The following DEPDC5 variants were observed in gnomAD, a reference collection of about 807,000 sequenced individuals.
DEPDC5 encodes the protein GATOR1 complex protein DEPDC5.
A neutral mutation model predicts 217.3 loss-of-function variants in DEPDC5; 73 were observed. The ratio of observed to expected loss-of-function variants is 0.34; its 90% CI spans 0.28 to 0.41. The LOEUF (loss-of-function observed/expected upper bound fraction) is 0.41, where lower values mean the gene tolerates loss of function less well. Ranked by LOEUF, DEPDC5 falls within the 10% of genes least tolerant of loss-of-function variation. The pLI is 1.00. For missense variants in DEPDC5, 1,675 were observed against 2,070.1 expected (o/e 0.81, Z 3.70); for synonymous variants, 733 against 756.7 (o/e 0.97, Z 0.51).
At chr22:31,777,493 C>T (rs2083996247) in intron 7 of DEPDC5, among the ~76,000 whole-genome samples, 2 of 151,870 alleles carry the variant, frequency 1.3e-5, no homozygotes, top group South Asian at 4.2e-4. Flanking sequence ...AACTCCTGAC[C>T]TCGTGATCTG....
intron 27 of DEPDC5, among the ~76,000 whole-genome samples, chr22:31,840,067 T>TTA (rs1159717167): frequency 6.6e-6 from 1 of 152,160 alleles, no homozygotes; most frequent in Non-Finnish European, 1.5e-5. Context: ...GGGAGAGGAT[T>TTA]TATAGCCCAG....
chr22:31,825,554 T>C (rs151134381), intron 24 of DEPDC5, among the ~76,000 whole-genome samples: 1 of 152,272 alleles, frequency 6.6e-6, no homozygotes, highest in African/African-American at 2.4e-5. Context: ...AACTCATGTC[T>C]CCCTGTTCCT....
intron 24 of DEPDC5, among the ~76,000 whole-genome samples, chr22:31,827,958 G>A (rs1017177226): frequency 6.6e-6 from 1 of 152,116 alleles, no homozygotes; most frequent in African/African-American, 2.4e-5. Context: ...CCTTCCCACA[G>A]CTCGCTCTCT....
intron 7 of DEPDC5, among the ~76,000 whole-genome samples, chr22:31,771,612 C>T (rs1004371141): frequency 3.3e-5 from 5 of 151,586 alleles, no homozygotes; most frequent in African/African-American, 9.7e-5. Flanking sequence ...CCCAGCTACT[C>T]GGGAGGCTGA....
At chr22:31,832,659 C>CCCTGT (rs2090694192) in intron 24 of DEPDC5, among the ~76,000 whole-genome samples, 1 of 152,122 alleles carries the variant, frequency 6.6e-6, no homozygotes, top group East Asian at 1.9e-4. Context: ...CCTGGCAAAT[C>CCCTGT]ACTGTGCTTT....
Position 31,901,764 on chromosome 22 carries a change from G to T in DEPDC5, c.4398G>T (p.Trp1466Cys). 6 of 1,613,460 alleles carry T rather than the reference G, an allele frequency of 3.7e-6. No individual in the cohort carries two copies. The highest frequency in any genetic ancestry group is 5.1e-6 in the Non-Finnish European group (6 of 1,179,696). The change falls in exon 41 of 43, where the codon TGG becomes TGT. Residue 1466 changes from tryptophan to cysteine, a missense_variant. Trp to Cys is a radical substitution (Grantham distance 215). This residue lies in a region of DEPDC5 where 182 missense variants were observed against 290.1 expected (regional missense o/e 0.63). Coordinates refer to ENST00000651528, the MANE Select transcript of DEPDC5 (RefSeq NM_001242896.3). ...CAGGCTTTGAACCCGAAACGTACTG[G>T]GATCGAATGCACCTCTTCCAGGAAG... ...LFDSFEPETY[W>C]DRMHLFQEAI...
In DEPDC5 at chr22:31,907,752, A is replaced by G. The variant is rs2093775184; in HGVS notation, c.*1255A>G. The G allele has an allele frequency of 6.6e-6, 1 of 152,126 alleles. No homozygotes were observed. Among genetic ancestry groups the G allele is most frequent in the South Asian group, 2.1e-4 (1 of 4,814 alleles). The allele number at this position is 152,126 out of a possible 1,614,324, so 9.4% of individuals were successfully genotyped here. A position where few individuals can be genotyped will look rare whatever the true frequency, so the allele number is the denominator to read the frequency against. On this transcript the variant is annotated 3_prime_UTR_variant, in exon 43 of 43. Coordinates refer to ENST00000651528, the MANE Select transcript of DEPDC5 (RefSeq NM_001242896.3). The stretch of plus-strand genomic sequence containing the variant: ...TCACCTCAGCACCCTGCCTTAAGCT[A>G]CTCAGGGCAGTTCAGGAGCTGTGGG...
At chr22:31,836,893 C>G in intron 25 of DEPDC5, 79 bp from the exon 26 acceptor site, 29 of 1,004,058 alleles carry the variant, frequency 2.9e-5, no homozygotes, top group East Asian at 2.8e-5. Context: ...ACTCTTCCCT[C>G]CCCTTCCCTC....
chr22:31,877,708 C>T (rs1392033871), intron 37 of DEPDC5, among the ~76,000 whole-genome samples: 2 of 7,406 alleles, frequency 2.7e-4, no homozygotes, highest in Non-Finnish European at 1.2e-3. Context: ...TGAGATCACG[C>T]CACTGCACTT....
intron 30 of DEPDC5, among the ~76,000 whole-genome samples, chr22:31,845,608 G>C (rs1473274576): frequency 6.6e-6 from 1 of 152,158 alleles, no homozygotes; most frequent in African/African-American, 2.4e-5. Flanking sequence ...TCTTGCTCCA[G>C]AGTTCCCAGC....
At chr22:31,758,237 G>T (rs2082098006) in intron 2 of DEPDC5, among the ~76,000 whole-genome samples, 1 of 152,136 alleles carries the variant, frequency 6.6e-6, no homozygotes, top group African/African-American at 2.4e-5. Flanking sequence ...ATATTTGAGG[G>T]GGTAAAAGGC....
At chr22:31,842,446 G>A (rs774459014) in intron 27 of DEPDC5, among the ~76,000 whole-genome samples, 2 of 151,918 alleles carry the variant, frequency 1.3e-5, no homozygotes, top group Non-Finnish European at 2.9e-5. Flanking sequence ...GTGGTGGAGC[G>A]TGCCTGTAAT....
chr22:31,893,360 T>C (rs2093481480), intron 38 of DEPDC5, among the ~76,000 whole-genome samples: 1 of 152,162 alleles, frequency 6.6e-6, no homozygotes, highest in African/African-American at 2.4e-5. Context: ...AGTTGAGTAG[T>C]TGCAACAGAA....
At chr22:31,893,516 T>A in intron 38 of DEPDC5, 66 bp from the exon 39 acceptor site, 1 of 1,414,410 alleles carries the variant, frequency 7.1e-7, no homozygotes, top group South Asian at 1.6e-5. Context: ...GATACTTAGT[T>A]ATTTGTTCTT....
chr22:31,845,615 C>T (rs1266738270), intron 30 of DEPDC5, among the ~76,000 whole-genome samples: 1 of 152,182 alleles, frequency 6.6e-6, no homozygotes, highest in African/African-American at 2.4e-5. Flanking sequence ...CCAGAGTTCC[C>T]AGCACCCTGT....
In DEPDC5 at chr22:31,906,426, A is replaced by G. The variant is rs368503325; in HGVS notation, c.4741A>G (p.Ile1581Val). 6.2e-7 allele frequency: 1 copy of G among 1,614,072 alleles called. No homozygotes were observed. The highest frequency in any genetic ancestry group is 2.2e-5 in the East Asian group (1 of 44,884). ...GCTGAAGGACTTCACGGACTTCTGC[A>G]TCAACCGTGACAACCGGCTGGTCAC... ...RLLKDFTDFC[I>V]NRDNRLVTFW... is the part of the protein sequence containing the mutation. The change falls in exon 43 of 43, where the codon ATC becomes GTC. Residue 1581 changes from isoleucine (I) to valine (V), a missense_variant. Coordinates refer to ENST00000651528, the MANE Select transcript of DEPDC5 (RefSeq NM_001242896.3). This position sits in a 1 kb window ranked among gnomAD's most constrained non-coding sequence, Gnocchi z 5.1.
intron 31 of DEPDC5, among the ~76,000 whole-genome samples, chr22:31,850,746 A>C (rs2091979220): frequency 6.6e-6 from 1 of 151,508 alleles, no homozygotes; most frequent in African/African-American, 2.4e-5. Context: ...ACCCTATCTC[A>C]AAAAAAAATT....
intron 33 of DEPDC5, among the ~76,000 whole-genome samples, chr22:31,866,728 T>A (rs370071172): frequency 6.6e-6 from 1 of 152,204 alleles, no homozygotes; most frequent in Non-Finnish European, 1.5e-5. Flanking sequence ...TGAGGAGTCC[T>A]GGCCAGGTGT....
intron 38 of DEPDC5, among the ~76,000 whole-genome samples, chr22:31,891,929 TG>T (rs2093446302): frequency 6.6e-6 from 1 of 152,190 alleles, no homozygotes; most frequent in Non-Finnish European, 1.5e-5. Flanking sequence ...TATCTTGAGT[TG>T]GTAGGATTTC....
Sources: gnomAD v4.1 joint callset for allele counts (sites outside exome capture counted in the v4.1 genomes callset) on GRCh38, gnomAD v4.1.1 for gene constraint, gnomAD v4.1.1 regional missense constraint, Gnocchi (gnomAD v3.1) non-coding constraint, MANE v1.5 for transcripts, NCBI Gene and HGNC (gene_info 2026-07-23, HGNC 2026-07-21) for gene names.